Variants in CAAP1 observed in about 807,000 individuals in gnomAD.
CAAP1 encodes the protein conserved anti-apoptotic protein.
CAAP1 carries 20 observed loss-of-function variants against 34.0 expected under a neutral mutation model. The ratio of observed to expected loss-of-function variants is 0.59; its 90% confidence interval spans 0.41 to 0.86. The LOEUF (loss-of-function observed/expected upper bound fraction) is 0.86, where lower values mean the gene tolerates loss of function less well. Ranked by LOEUF, CAAP1 falls within the 40% of genes least tolerant of loss-of-function variation. The probability of loss-of-function intolerance (pLI) is 0.00; values close to 1 mark genes in which losing one functional copy is unlikely to be tolerated. For missense variants in CAAP1, 538 were observed against 450.5 expected (o/e 1.19, Z -1.76); for synonymous variants, 213 against 166.7 (o/e 1.28, Z -2.14).
intron 4 of CAAP1, among the ~76,000 whole-genome samples, chr9:26,865,466 G>A (rs1224842047): frequency 6.6e-6 from 1 of 152,066 alleles, no homozygotes; most frequent in African/African-American, 2.4e-5. Context: ...GGAGGTTGTG[G>A]TGAGCCAAGA....
chr9:26,847,692 C>CT (rs1323890738), intron 5 of CAAP1, among the ~76,000 whole-genome samples: 4 of 151,086 alleles, frequency 2.6e-5, no homozygotes, highest in Admixed American at 6.6e-5. Context: ...TATATTTGTC[C>CT]TTTTTTTGTA....
In CAAP1 at chr9:26,842,543, T is replaced by C. The variant is rs935496266; in HGVS notation, c.844A>G (p.Asn282Asp). Residue 282 changes from asparagine to aspartate, a missense_variant, in exon 6 of 6, where the codon AAT (asparagine) becomes GAT (aspartate). Transcript: ENST00000333916. ...TGACCAGCTTCACTTTGGACTGTATTTTCTGGTGCCTCGGGAGCAGCTGCT... is the reference window on the plus strand; with the variant it reads ...TGACCAGCTTCACTTTGGACTGTATCTTCTGGTGCCTCGGGAGCAGCTGCT... ...EEAAAPEAPE[N>D]TVQSEAGQID... 7.4e-6 allele frequency: 12 copies of C among 1,614,088 alleles called. No individual in the cohort carries two copies. The Admixed American group carries it at 1.0e-4, about 13-fold the overall frequency.
intron 5 of CAAP1, among the ~76,000 whole-genome samples, chr9:26,852,185 G>A (rs1249660385): frequency 6.6e-6 from 1 of 150,892 alleles, no homozygotes; most frequent in Non-Finnish European, 1.5e-5. Context: ...CAGTCTCCCA[G>A]GGCTCATGCC....
chr9:26,860,601 G>A (rs1822981523), intron 5 of CAAP1, among the ~76,000 whole-genome samples: 1 of 152,068 alleles, frequency 6.6e-6, no homozygotes, highest in Admixed American at 6.6e-5. Flanking sequence ...GACCATCCTG[G>A]CTAACACGGT....
Position 26,870,566 on chromosome 9 carries a change from G to A in CAAP1, c.666-9427C>T, listed in dbSNP as rs542554979. ...GACACATACACACACACACACACACGTATAAATACACACATATATACGTGT... is the reference window on the plus strand; with the variant it reads ...GACACATACACACACACACACACACATATAAATACACACATATATACGTGT... On this transcript the variant is annotated intron_variant, in intron 4 of 5. Coordinates refer to ENST00000333916, the MANE Select transcript of CAAP1 (RefSeq NM_024828.4). Among the ~76,000 whole-genome samples, 375 of 136,768 alleles carry A rather than the reference G, an allele frequency of 2.7e-3. 2 individuals are homozygous for A. Among genetic ancestry groups the A allele is most frequent in the African/African-American group, 9.8e-3 (363 of 36,946 alleles). 89.7% of individuals were successfully genotyped at this position (136,768 alleles called of 152,430 possible). A position where few individuals can be genotyped will look rare whatever the true frequency, so the allele number is the denominator to read the frequency against.
In CAAP1 at chr9:26,842,613, A is replaced by G; in HGVS notation, c.774T>C (p.Asn258=). Residue 258 remains asparagine (N), a synonymous_variant, in exon 6 of 6, where the codon AAT becomes AAC. Coordinates refer to ENST00000333916, the MANE Select transcript of CAAP1 (RefSeq NM_024828.4). ...KGEDSDVLSI[N]ADAYDSDIEG... Reference sequence around the variant, plus strand: ...CTATGTCGCTGTCATAAGCATCTGCATTTATACTGAGTACATCACTATCTT... The same window carrying G: ...CTATGTCGCTGTCATAAGCATCTGCGTTTATACTGAGTACATCACTATCTT... The G allele has an allele frequency of 1.2e-6, 2 of 1,613,818 alleles. No homozygotes were observed. Among genetic ancestry groups the G allele is most frequent in the Non-Finnish European group, 1.7e-6 (2 of 1,179,894 alleles).
chr9:26,879,664 A>T (rs1417213059), intron 4 of CAAP1, among the ~76,000 whole-genome samples: 3 of 152,204 alleles, frequency 2.0e-5, no homozygotes, highest in African/African-American at 7.2e-5. Context: ...GCTAGAATAA[A>T]GCAGGCAGGA....
At chr9:26,870,424 T>G (rs1210804274) in intron 4 of CAAP1, among the ~76,000 whole-genome samples, 1 of 151,688 alleles carries the variant, frequency 6.6e-6, no homozygotes, top group Non-Finnish European at 1.5e-5. Context: ...AGCAAATAAG[T>G]AACTGGTACA....
chr9:26,848,384 C>T (rs546208224), intron 5 of CAAP1, among the ~76,000 whole-genome samples: 1 of 152,246 alleles, frequency 6.6e-6, no homozygotes, highest in East Asian at 1.9e-4. Context: ...GGCCTGGTGG[C>T]AGGCACCTGT....
chr9:26,882,175 C>T (rs569132182), intron 4 of CAAP1, among the ~76,000 whole-genome samples: 59 of 152,284 alleles, frequency 3.9e-4, no homozygotes, highest in Non-Finnish European at 8.1e-4. Context: ...AAGAAAAACC[C>T]ATTTTCTGAG....
chr9:26,861,711 CTTAATA>C (rs1374972762), intron 4 of CAAP1, among the ~76,000 whole-genome samples: 7 of 152,198 alleles, frequency 4.6e-5, no homozygotes, highest in South Asian at 4.1e-4. Context: ...ATTATACCAT[CTTAATA>C]TTAATATACT....
intron 4 of CAAP1, among the ~76,000 whole-genome samples, chr9:26,875,615 C>T (rs1349210312): frequency 1.3e-5 from 2 of 152,086 alleles, no homozygotes; most frequent in East Asian, 3.8e-4. Context: ...CTAAAGCCAG[C>T]CTTTGTCCTT....
intron 4 of CAAP1, among the ~76,000 whole-genome samples, chr9:26,864,579 G>C (rs1240471380): frequency 6.6e-6 from 1 of 152,056 alleles, no homozygotes; most frequent in Non-Finnish European, 1.5e-5. Context: ...ATTCTCTAAG[G>C]CTTCATTGTA....
intron 4 of CAAP1, among the ~76,000 whole-genome samples, chr9:26,881,551 C>T (rs891835784): frequency 1.1e-4 from 16 of 152,180 alleles, no homozygotes; most frequent in African/African-American, 1.9e-4. Context: ...ATATAAGAAG[C>T]GCCTTTTGCC....
intron 2 of CAAP1, among the ~76,000 whole-genome samples, chr9:26,886,393 T>C (rs549372070): frequency 1.3e-5 from 2 of 152,314 alleles, no homozygotes; most frequent in East Asian, 3.9e-4. Flanking sequence ...TTGAAGGGAA[T>C]GCATAAACTT....
At chr9:26,884,196 GCAT>G (rs2131338808) in intron 4 of CAAP1, among the ~76,000 whole-genome samples, 1 of 152,296 alleles carries the variant, frequency 6.6e-6, no homozygotes, top group South Asian at 2.1e-4. Context: ...TAAGCAAATA[GCAT>G]CAATAGATGC....
intron 4 of CAAP1, among the ~76,000 whole-genome samples, chr9:26,878,968 A>G (rs1823517304): frequency 6.6e-6 from 1 of 152,234 alleles, no homozygotes; most frequent in African/African-American, 2.4e-5. Flanking sequence ...CTTACTTTGG[A>G]GAAACAGATA....
Position 26,840,848 on chromosome 9 carries a change from T to C in CAAP1, c.*1453A>G, listed in dbSNP as rs1207995894. On this transcript the variant is annotated 3_prime_UTR_variant, in exon 6 of 6. Coordinates refer to ENST00000333916, the MANE Select transcript of CAAP1 (RefSeq NM_024828.4). Reference sequence around the variant, plus strand: ...ATTAACTATTACTTTTAAGTTGAAATAGAAAAATTATATCACTGTCTTTTC... The same window carrying C: ...ATTAACTATTACTTTTAAGTTGAAACAGAAAAATTATATCACTGTCTTTTC... 1 of 152,240 alleles carries C rather than the reference T, an allele frequency of 6.6e-6. No homozygotes were observed. Among genetic ancestry groups the C allele is most frequent in the African/African-American group, 2.4e-5 (1 of 41,462 alleles). The allele number at this position is 152,240 out of a possible 1,614,324, so 9.4% of individuals were successfully genotyped here. A position where few individuals can be genotyped will look rare whatever the true frequency, so the allele number is the denominator to read the frequency against.
At chr9:26,872,488 T>C (rs1305197885) in intron 4 of CAAP1, among the ~76,000 whole-genome samples, 4 of 151,500 alleles carry the variant, frequency 2.6e-5, no homozygotes, top group African/African-American at 9.7e-5. Context: ...AAAGCACTCA[T>C]ATTTCAGATT....
Sources: gnomAD v4.1 joint callset for allele counts (sites outside exome capture counted in the v4.1 genomes callset) on GRCh38, gnomAD v4.1.1 for gene constraint, MANE v1.5 for transcripts, NCBI Gene and HGNC (gene_info 2026-07-23, HGNC 2026-07-21) for gene names.